Variants in BCL2 observed in about 807,000 individuals in gnomAD.
BCL2 encodes the protein apoptosis regulator Bcl-2.
BCL2 carries 1 observed loss-of-function variant against 14.2 expected under a neutral mutation model. The observed-to-expected ratio is 0.07, with a 90% CI of 0.02 to 0.33. The LOEUF (loss-of-function observed/expected upper bound fraction) is 0.33. Ranked by LOEUF, BCL2 falls within the 10% of genes least tolerant of loss-of-function variation. The pLI is 0.99. For synonymous variants in BCL2, 151 were observed against 137.2 expected (o/e 1.10, Z -0.70); for missense variants, 247 against 305.9 (o/e 0.81, Z 1.44).
chr18:63,168,773 C>A (rs181018089), intron 2 of BCL2, among the ~76,000 whole-genome samples: 194 of 152,328 alleles, frequency 1.3e-3, no homozygotes, highest in African/African-American at 4.5e-3. Context: ...GTATAAAGTC[C>A]TCCTGGAATG....
chr18:63,276,410 G>A (rs1247834297), intron 2 of BCL2, among the ~76,000 whole-genome samples: 1 of 152,188 alleles, frequency 6.6e-6, no homozygotes, highest in Non-Finnish European at 1.5e-5. Flanking sequence ...GGAGTCATTA[G>A]TGGCATTTAA....
chr18:63,184,463 C>T (rs1394136057), intron 2 of BCL2, among the ~76,000 whole-genome samples: 1 of 152,214 alleles, frequency 6.6e-6, no homozygotes, highest in Non-Finnish European at 1.5e-5. Context: ...TGGATCTGGC[C>T]TTTGAGGGAT....
chr18:63,202,090 C>G (rs1909711417), intron 2 of BCL2, among the ~76,000 whole-genome samples: 1 of 152,196 alleles, frequency 6.6e-6, no homozygotes, highest in Non-Finnish European at 1.5e-5. Context: ...AGGCGGATCA[C>G]TTGAGGTCAG....
At chr18:63,258,332 AC>A (rs1344502751) in intron 2 of BCL2, among the ~76,000 whole-genome samples, 2 of 152,240 alleles carry the variant, frequency 1.3e-5, no homozygotes, top group African/African-American at 2.4e-5. Flanking sequence ...TACAAATGGT[AC>A]TACCATATAT....
intron 2 of BCL2, among the ~76,000 whole-genome samples, chr18:63,289,235 A>G (rs530870973): frequency 6.6e-6 from 1 of 152,330 alleles, no homozygotes; most frequent in African/African-American, 2.4e-5. Context: ...TATCAAAGTA[A>G]TATCAAAGAG....
chr18:63,186,157 A>T (rs1915589308), intron 2 of BCL2, among the ~76,000 whole-genome samples: 1 of 152,220 alleles, frequency 6.6e-6, no homozygotes, highest in African/African-American at 2.4e-5. Context: ...CACTAGCTCA[A>T]GTGCTAAAAT....
intron 2 of BCL2, among the ~76,000 whole-genome samples, chr18:63,133,074 A>G (rs577425476): frequency 1.3e-5 from 2 of 152,266 alleles, no homozygotes; most frequent in South Asian, 2.1e-4. Context: ...TAAATTTCCA[A>G]TTCAGAGGCC....
chr18:63,184,400 C>T, intron 2 of BCL2, among the ~76,000 whole-genome samples: 1 of 152,222 alleles, frequency 6.6e-6, no homozygotes, highest in East Asian at 1.9e-4. Flanking sequence ...CACTGGCATT[C>T]TTGTTTGAAC....
chr18:63,289,976 G>A (rs1912600119), intron 2 of BCL2, among the ~76,000 whole-genome samples: 2 of 152,168 alleles, frequency 1.3e-5, no homozygotes, highest in Non-Finnish European at 2.9e-5. Flanking sequence ...ACTGGAGCAG[G>A]TGAATGAATT....
At chr18:63,266,198 T>C (rs527627329) in intron 2 of BCL2, among the ~76,000 whole-genome samples, 2 of 152,034 alleles carry the variant, frequency 1.3e-5, no homozygotes, top group African/African-American at 2.4e-5. Context: ...TTAAATAAAC[T>C]ATGGTATATC....
At chr18:63,287,585 A>C (rs1599291762) in intron 2 of BCL2, among the ~76,000 whole-genome samples, 2 of 152,150 alleles carry the variant, frequency 1.3e-5, no homozygotes, top group Admixed American at 1.3e-4. Flanking sequence ...AGTAGTGGTT[A>C]CCTCTCTGTT....
chr18:63,307,294 C>G, intron 2 of BCL2, among the ~76,000 whole-genome samples: 1 of 152,168 alleles, frequency 6.6e-6, no homozygotes, highest in South Asian at 2.1e-4. Flanking sequence ...GGGTGATGCC[C>G]TTTAAGTATT....
intron 2 of BCL2, among the ~76,000 whole-genome samples, chr18:63,281,731 A>G (rs1912325032): frequency 6.7e-6 from 1 of 149,838 alleles, no homozygotes; most frequent in East Asian, 1.9e-4. Flanking sequence ...AAAGAAAGAA[A>G]GAAAGAAAAA....
At chr18:63,161,702 G>A (rs563745049) in intron 2 of BCL2, 2 of 152,296 alleles carry the variant, frequency 1.3e-5, no homozygotes, top group South Asian at 4.1e-4. Flanking sequence ...TCCCAGCACA[G>A]GGGTTCCCAT....
At chr18:63,274,898 C>T (rs1912111646) in intron 2 of BCL2, among the ~76,000 whole-genome samples, 2 of 152,136 alleles carry the variant, frequency 1.3e-5, no homozygotes, top group Non-Finnish European at 2.9e-5. Context: ...CAGCTATGCA[C>T]ACGCTGTAGA....
At chr18:63,141,876 G>A (rs1462560987) in intron 2 of BCL2, among the ~76,000 whole-genome samples, 3 of 152,238 alleles carry the variant, frequency 2.0e-5, no homozygotes, top group African/African-American at 7.2e-5. Context: ...CGTGGCTCCT[G>A]TACCTGCCAT....
intron 2 of BCL2, among the ~76,000 whole-genome samples, chr18:63,140,464 C>CA (rs1914325652): frequency 6.6e-6 from 1 of 152,070 alleles, no homozygotes; most frequent in Non-Finnish European, 1.5e-5. Context: ...ACAACTCAGC[C>CA]AAAAAAAGGA....
At chr18:63,254,127 C>T (rs1448003226) in intron 2 of BCL2, among the ~76,000 whole-genome samples, 1 of 152,038 alleles carries the variant, frequency 6.6e-6, no homozygotes, top group Non-Finnish European at 1.5e-5. Context: ...TTATGTACCA[C>T]AAACTCTCAA....
rs1364927294 is a variant in BCL2 at position 63,319,404 on chromosome 18, C to T, written c.-517G>A. ...AATGTCAATCCGCAGGAATCCCAAC[C>T]GGAGATCTCAAGAGCTCGAGAAAAA... On this transcript the variant is annotated 5_prime_UTR_variant, in exon 1 of 3. Transcript: ENST00000333681. The T allele has an allele frequency of 4.4e-6, 1 of 228,540 alleles. No individual in the cohort carries two copies. The highest frequency in any genetic ancestry group is 8.7e-6 in the Non-Finnish European group (1 of 115,252). The allele number at this position is 228,540 out of a possible 1,614,324, so 14.2% of individuals were successfully genotyped here.
Sources: allele counts gnomAD v4.1 joint callset (sites outside exome capture counted in the v4.1 genomes callset), GRCh38; gene constraint gnomAD v4.1.1; transcripts MANE v1.5; gene names NCBI Gene and HGNC (gene_info 2026-07-23, HGNC 2026-07-21).